The following PGD variants were observed in gnomAD, a reference collection of about 807,000 sequenced individuals.
PGD encodes phosphogluconate dehydrogenase.
In PGD, 21 loss-of-function variants were observed where a neutral mutation model predicts 60.4. The ratio of observed to expected loss-of-function variants is 0.35; its 90% confidence interval spans 0.25 to 0.50. PGD has a LOEUF of 0.50. PGD is among the 20% of genes least tolerant of loss of function. PGD has a pLI of 0.98. For missense variants in PGD, 477 were observed against 613.1 expected (o/e 0.78, Z 2.34); for synonymous variants, 230 against 235.9 (o/e 0.97, Z 0.23).
At chr1:10,409,612 A>C (rs2102392314) in intron 6 of PGD, among the ~76,000 whole-genome samples, 1 of 151,776 alleles carries the variant, frequency 6.6e-6, no homozygotes, top group Admixed American at 6.6e-5. Context: ...ACAGAAAAAA[A>C]CAAAAAGATC....
chr1:10,417,461 A>G lies in PGD; in HGVS notation c.1061A>G (p.Asn354Ser), dbSNP rs773757294. The G allele has an allele frequency of 1.4e-5, 23 of 1,613,906 alleles. No individual in the cohort carries two copies. Among genetic ancestry groups the G allele is most frequent in the Admixed American group, 3.3e-5 (2 of 59,970 alleles). Residue 354 changes from asparagine to serine, a missense_variant, in exon 10 of 13, where the codon AAT becomes AGT. By Grantham distance (46) the Asn-to-Ser change is conservative (BLOSUM62 1). Around this residue, in one of 3 missense-constraint regions of PGD, gnomAD observed 431 missense variants for 556.6 expected, o/e 0.77. Coordinates refer to ENST00000270776, the MANE Select transcript of PGD (RefSeq NM_002631.4). ...GCCACCGAGTTTGGCTGGACTCTCA[A>G]TTATGGTGGCATCGCCCTGATGTGG... ...QAATEFGWTL[N>S]YGGIALMWRG...
chr1:10,417,556 T>C (rs962399754), intron 10 of PGD, 47 bp downstream of exon 10: 2 of 1,559,090 alleles, frequency 1.3e-6, no homozygotes, highest in African/African-American at 2.7e-5. Context: ...CTCACACGGC[T>C]GTGCAGAAGT....
At chr1:10,406,752 G>A (rs142080457) in intron 5 of PGD, among the ~76,000 whole-genome samples, 2 of 152,276 alleles carry the variant, frequency 1.3e-5, no homozygotes, top group African/African-American at 2.4e-5. Flanking sequence ...TAATATATCC[G>A]CGTGCTGAGC....
chr1:10,408,018 G>T, intron 5 of PGD, 53 bp from the exon 6 acceptor site: 1 of 1,033,442 alleles, frequency 9.7e-7, no homozygotes, highest in Non-Finnish European at 1.5e-6. Flanking sequence ...TATGGGTATG[G>T]GCTCTCAGCC....
chr1:10,403,272 C>G, intron 4 of PGD, 136 bp downstream of exon 4: 1 of 655,874 alleles, frequency 1.5e-6, no homozygotes, highest in South Asian at 1.7e-5. Flanking sequence ...TACAATAGTT[C>G]TCAGCCTTTT....
rs759462109 is a variant in PGD at position 10,419,435 on chromosome 1, G to A, written c.1228G>A (p.Val410Ile). The A allele has an allele frequency of 3.1e-6, 5 of 1,613,802 alleles. No individual in the cohort carries two copies. The East Asian group carries it at 6.7e-5, about 22-fold the overall frequency. Residue 410 changes from valine to isoleucine, a missense_variant, in exon 12 of 13, where the codon GTC becomes ATC. This residue lies in a region of PGD where 431 missense variants were observed against 556.6 expected (regional missense o/e 0.77). Coordinates refer to ENST00000270776, the MANE Select transcript of PGD (RefSeq NM_002631.4). ...ENCQDSWRRA[V>I]STGVQAGIPM... is the part of the protein sequence containing the mutation. Reference sequence around the variant, plus strand: ...TGCTCAGGACTCCTGGCGGCGGGCAGTCAGCACTGGGGTCCAGGCTGGCAT... The same window carrying A: ...TGCTCAGGACTCCTGGCGGCGGGCAATCAGCACTGGGGTCCAGGCTGGCAT...
At chr1:10,406,089 G>C (rs932001404) in intron 5 of PGD, among the ~76,000 whole-genome samples, 1 of 152,104 alleles carries the variant, frequency 6.6e-6, no homozygotes, top group East Asian at 1.9e-4. Flanking sequence ...CCCTGATCTC[G>C]TGATCTGCCT....
At chr1:10,417,554 G>T (rs1329480222) in intron 10 of PGD, 45 bp downstream of exon 10, 1 of 1,571,410 alleles carries the variant, frequency 6.4e-7, no homozygotes, top group Non-Finnish European at 8.6e-7. Context: ...GACTCACACG[G>T]CTGTGCAGAA....
intron 10 of PGD, 99 bp downstream of exon 10, chr1:10,417,608 GCACTTAGCCCCATCACTGGA>G: frequency 8.1e-7 from 1 of 1,230,406 alleles, no homozygotes; most frequent in South Asian, 1.5e-5. Flanking sequence ...CCAGGGATGG[GCACTTAGCCCCATCACTGGA>G]CACTGGCACA....
intron 4 of PGD, 78 bp from the exon 5 acceptor site, chr1:10,404,083 C>A (rs1569972229): frequency 1.0e-6 from 1 of 999,912 alleles, no homozygotes; most frequent in Admixed American, 2.2e-5. Context: ...ATAAGGGAAA[C>A]ATTTTTGGGT....
intron 8 of PGD, among the ~76,000 whole-genome samples, chr1:10,413,563 TTTTA>T (rs920366371): frequency 6.6e-6 from 1 of 152,178 alleles, no homozygotes; most frequent in Non-Finnish European, 1.5e-5. Context: ...TGATCTAAGA[TTTTA>T]TTTATGAGGC....
At chr1:10,408,616 C>T (rs1031365995) in intron 6 of PGD, among the ~76,000 whole-genome samples, 1 of 152,172 alleles carries the variant, frequency 6.6e-6, no homozygotes, top group Non-Finnish European at 1.5e-5. Flanking sequence ...AACCTGTGGA[C>T]TTGCACCCTC....
chr1:10,404,241 T>C lies in PGD; in HGVS notation c.411T>C (p.Tyr137=). The change falls in exon 5 of 13, where the codon TAT becomes TAC. Residue 137 remains tyrosine, a synonymous_variant. Transcript: ENST00000270776. The part of the protein sequence containing the change: ...GVSGGEEGAR[Y]GPSLMPGGNK... ...GTGGTGGAGAGGAAGGGGCCCGGTA[T>C]GGCCCATCGCTCATGCCAGGAGGGA... 6.2e-7 allele frequency: 1 copy of C among 1,613,698 alleles called. No individual in the cohort carries two copies. Among genetic ancestry groups the C allele is most frequent in the Non-Finnish European group, 8.5e-7 (1 of 1,179,722 alleles).
At position 10,413,139 on chromosome 1, in the gene PGD, C is replaced by T. The variant is rs2229687; in HGVS notation, c.732C>T (p.Asp244=). ...CAGCCAATATTCTCAAGTTCCAAGA[C>T]ACCGATGGCAAACACCTGCTGCCAA... ...EITANILKFQ[D]TDGKHLLPKI... Residue 244 remains aspartate (D), a synonymous_variant, in exon 8 of 13, where the codon GAC becomes GAT. Coordinates refer to ENST00000270776, the MANE Select transcript of PGD (RefSeq NM_002631.4). 0.33 allele frequency: 524,520 copies of T among 1,613,230 alleles called. 85,981 individuals carry two copies. The highest frequency in any genetic ancestry group is 0.38 in the Admixed American group (22,589 of 59,992).
intron 4 of PGD, among the ~76,000 whole-genome samples, chr1:10,403,399 G>A (rs1053467136): frequency 6.6e-6 from 1 of 151,918 alleles, no homozygotes; most frequent in Non-Finnish European, 1.5e-5. Flanking sequence ...AGACCATCCT[G>A]GCTAACATGG....
chr1:10,417,441 C>T lies in PGD; in HGVS notation c.1041C>T (p.Thr347=), dbSNP rs530138934. Reference sequence around the variant, plus strand: ...TTATGCTGCTAAGGCAGGCAGCCACCGAGTTTGGCTGGACTCTCAATTATG... The same window carrying T: ...TTATGCTGCTAAGGCAGGCAGCCACTGAGTTTGGCTGGACTCTCAATTATG... ...QGFMLLRQAA[T]EFGWTLNYGG... Residue 347 remains threonine (T), a synonymous_variant, in exon 10 of 13, where the codon ACC becomes ACT. Coordinates refer to ENST00000270776, the MANE Select transcript of PGD (RefSeq NM_002631.4). The T allele has an allele frequency of 4.5e-5, 72 of 1,613,824 alleles. No individual in the cohort carries two copies. The East Asian group carries it at 1.4e-3, about 30-fold the overall frequency.
At chr1:10,410,938 T>G (rs1639488836) in intron 6 of PGD, among the ~76,000 whole-genome samples, 1 of 152,012 alleles carries the variant, frequency 6.6e-6, no homozygotes, top group Non-Finnish European at 1.5e-5. Context: ...CTAGGGTCAT[T>G]TTACTTTTCA....
Position 10,399,684 on chromosome 1 carries a change from A to G in PGD, c.64A>G (p.Met22Val), listed in dbSNP as rs757024862. ...AVMGQNLILN[M>V]NDHGFVVCAF... ...CATGGGCCAGAACTTAATTCTGAAC[A>G]TGAATGACCACGGCTTTGTGGTAAG... The change falls in exon 2 of 13, where the codon ATG becomes GTG. Residue 22 changes from methionine to valine, a missense_variant. This residue lies in a region of PGD where 431 missense variants were observed against 556.6 expected (regional missense o/e 0.77). Coordinates refer to ENST00000270776, the MANE Select transcript of PGD (RefSeq NM_002631.4). The G allele has an allele frequency of 6.2e-6, 10 of 1,614,008 alleles. No individual in the cohort carries two copies. Among genetic ancestry groups the G allele is most frequent in the Admixed American group, 3.3e-5 (2 of 59,998 alleles).
intron 8 of PGD, 63 bp downstream of exon 8, chr1:10,413,314 C>T: frequency 7.2e-7 from 1 of 1,392,656 alleles, no homozygotes; most frequent in Non-Finnish European, 1.0e-6. Flanking sequence ...GTCTGGAGGA[C>T]AGATACAGAC....
Sources: allele counts gnomAD v4.1 joint callset (sites outside exome capture counted in the v4.1 genomes callset), GRCh38; gene constraint gnomAD v4.1.1; regional missense constraint gnomAD v4.1.1; transcripts MANE v1.5; gene names NCBI Gene and HGNC (gene_info 2026-07-23, HGNC 2026-07-21).